CPNE5: variants seen among roughly 807,000 people sequenced by gnomAD.
CPNE5 encodes the protein copine 5, also known as copine-5.
Under a neutral mutation model 81.1 loss-of-function variants are expected in CPNE5, and 42 were observed. That is an observed-to-expected ratio of 0.52 (90% CI 0.40 to 0.67). The LOEUF (loss-of-function observed/expected upper bound fraction) is 0.67, where lower values mean the gene tolerates loss of function less well. CPNE5 is among the 30% of genes least tolerant of loss of function. The pLI is 0.00. For missense variants in CPNE5, 612 were observed against 815.5 expected (o/e 0.75, Z 3.04); for synonymous variants, 313 against 321.5 (o/e 0.97, Z 0.28).
At chr6:36,809,251 A>T (rs1264740033) in intron 3 of CPNE5, among the ~76,000 whole-genome samples, 3 of 151,926 alleles carry the variant, frequency 2.0e-5, no homozygotes, top group Non-Finnish European at 4.4e-5. Context: ...AGAGAGAGAG[A>T]TTGAGAGAGA....
At chr6:36,743,568 G>A in intron 20 of CPNE5, 121 bp downstream of exon 20, 2 of 959,068 alleles carry the variant, frequency 2.1e-6, no homozygotes, top group Middle Eastern at 6.3e-4. Flanking sequence ...GGGCCACTTT[G>A]GGGCTCCCAG....
intron 6 of CPNE5, among the ~76,000 whole-genome samples, chr6:36,797,955 G>A (rs1769742027): frequency 6.6e-6 from 1 of 152,116 alleles, no homozygotes; most frequent in Non-Finnish European, 1.5e-5. Context: ...CTTCCCAGGA[G>A]ATGGGACTCT....
intron 3 of CPNE5, among the ~76,000 whole-genome samples, chr6:36,815,712 GC>G (rs1771483796): frequency 1.3e-5 from 2 of 152,250 alleles, no homozygotes; most frequent in African/African-American, 4.8e-5. Flanking sequence ...ATGTCAAGTT[GC>G]CCCGAGGAAG....
At position 36,744,303 on chromosome 6, in the gene CPNE5, A is replaced by G; in HGVS notation, c.1454T>C (p.Ile485Thr). The G allele has an allele frequency of 1.9e-6, 3 of 1,584,508 alleles. No homozygotes were observed. The highest frequency in any genetic ancestry group is 2.6e-6 in the Non-Finnish European group (3 of 1,166,020). The change falls in exon 19 of 21, where the codon ATC becomes ACC. Residue 485 changes from isoleucine (I) to threonine (T), a missense_variant. Physicochemically the swap from Ile to Thr is moderately conservative, Grantham distance 89. Transcript: ENST00000244751. ...IVNAAKLPMS[I>T]IIVGVGQAEF... ...TGCCTGGCCCACGCCGACGATAATGATGGACATGGGGAGCTTGGCAGCCTG... is the reference window on the plus strand; with the variant it reads ...TGCCTGGCCCACGCCGACGATAATGGTGGACATGGGGAGCTTGGCAGCCTG...
At chr6:36,836,556 T>C (rs1381076435) in intron 1 of CPNE5, among the ~76,000 whole-genome samples, 1 of 152,156 alleles carries the variant, frequency 6.6e-6, no homozygotes, top group African/African-American at 2.4e-5. Flanking sequence ...GCCCTACTGT[T>C]CTGGGCCCAC....
chr6:36,816,213 A>C (rs1771531847), intron 3 of CPNE5, among the ~76,000 whole-genome samples: 1 of 152,224 alleles, frequency 6.6e-6, no homozygotes, highest in South Asian at 2.1e-4. Context: ...CATCAAGTTC[A>C]GGCCTCATCT....
intron 12 of CPNE5, among the ~76,000 whole-genome samples, chr6:36,761,195 G>A (rs1158696913): frequency 6.6e-6 from 1 of 152,220 alleles, no homozygotes; most frequent in Admixed American, 6.5e-5. Context: ...GGTGGCATCT[G>A]CTTCTCTCTG....
intron 8 of CPNE5, among the ~76,000 whole-genome samples, chr6:36,791,339 C>G (rs1198790821): frequency 6.6e-6 from 1 of 152,182 alleles, no homozygotes; most frequent in East Asian, 1.9e-4. Context: ...CATTTTAGTA[C>G]CTGCCTCTTA....
intron 9 of CPNE5, among the ~76,000 whole-genome samples, chr6:36,777,092 C>A (rs898317438): frequency 6.6e-6 from 1 of 152,210 alleles, no homozygotes; most frequent in Non-Finnish European, 1.5e-5. Flanking sequence ...AAATAAACTC[C>A]CATGACCTCC....
At chr6:36,769,776 G>A (rs771015657) in intron 10 of CPNE5, among the ~76,000 whole-genome samples, 3 of 152,178 alleles carry the variant, frequency 2.0e-5, no homozygotes, top group Non-Finnish European at 4.4e-5. Context: ...ACGGTACGAT[G>A]CCCTTCATCG....
chr6:36,839,673 C>T (rs1368120063), upstream of CPNE5: 76 of 119,152 alleles, frequency 6.4e-4, 1 homozygote, highest in Middle Eastern at 7.5e-3. The surrounding 1 kb of genome is among the most constrained non-coding windows in gnomAD (Gnocchi z 7.3). Flanking sequence ...GAGAGGGGCG[C>T]GGGGAGAGGG....
intron 10 of CPNE5, among the ~76,000 whole-genome samples, chr6:36,773,745 G>A (rs1430999080): frequency 1.3e-5 from 2 of 152,058 alleles, no homozygotes; most frequent in African/African-American, 2.4e-5. Context: ...AGTGCTTTTT[G>A]GTCACAGAGT....
chr6:36,768,225 CTTTTTTTTTTTTTTT>C (rs10586762), intron 10 of CPNE5, among the ~76,000 whole-genome samples: 3 of 60,496 alleles, frequency 5.0e-5, no homozygotes, highest in Non-Finnish European at 3.0e-5. Flanking sequence ...ATTCACAGTT[CTTTTTTTTTTTTTTT>C]TTTTTTTTTT....
chr6:36,823,929 T>A (rs942123386), intron 1 of CPNE5, among the ~76,000 whole-genome samples: 1 of 152,106 alleles, frequency 6.6e-6, no homozygotes, highest in East Asian at 1.9e-4. Flanking sequence ...GCAGCCTACA[T>A]CCTGCACATC....
At chr6:36,782,741 C>G (rs1278023972) in intron 8 of CPNE5, among the ~76,000 whole-genome samples, 3 of 151,610 alleles carry the variant, frequency 2.0e-5, no homozygotes, top group African/African-American at 7.3e-5. Flanking sequence ...TTGCAGTGAG[C>G]CGAGATTGCG....
At chr6:36,779,277 G>A (rs1186034877) in intron 8 of CPNE5, among the ~76,000 whole-genome samples, 10 of 152,180 alleles carry the variant, frequency 6.6e-5, no homozygotes, top group South Asian at 2.1e-4. Context: ...CACACATCTC[G>A]TGGGGTTTTC....
intron 12 of CPNE5, among the ~76,000 whole-genome samples, chr6:36,761,373 CT>C (rs1766013399): frequency 6.6e-6 from 1 of 152,264 alleles, no homozygotes; most frequent in Non-Finnish European, 1.5e-5. Context: ...AACACACCTA[CT>C]GTGTGCCCGG....
intron 14 of CPNE5, among the ~76,000 whole-genome samples, chr6:36,750,888 G>C (rs1222146189): frequency 1.3e-5 from 2 of 152,216 alleles, no homozygotes; most frequent in Non-Finnish European, 1.5e-5. Context: ...GAAAAGCCTT[G>C]GGAAAGGAAG....
chr6:36,789,836 G>A (rs910865554), intron 8 of CPNE5, among the ~76,000 whole-genome samples: 1 of 152,206 alleles, frequency 6.6e-6, no homozygotes, highest in South Asian at 2.1e-4. Flanking sequence ...CCCTGGGGGT[G>A]CACACTGGGT....
Sources: allele counts gnomAD v4.1 joint callset (sites outside exome capture counted in the v4.1 genomes callset), GRCh38; gene constraint gnomAD v4.1.1; non-coding constraint Gnocchi (gnomAD v3.1); transcripts MANE v1.5; gene names NCBI Gene and HGNC (gene_info 2026-07-23, HGNC 2026-07-21).